FTO: variants seen among roughly 807,000 people sequenced by gnomAD.
The protein encoded by FTO is FTO alpha-ketoglutarate dependent dioxygenase.
A neutral mutation model predicts 63.9 loss-of-function variants in FTO; 47 were observed. The ratio of observed to expected loss-of-function variants is 0.74; its 90% CI spans 0.58 to 0.94. The LOEUF (loss-of-function observed/expected upper bound fraction) is 0.94. Ranked by LOEUF, FTO falls within the 40% of genes least tolerant of loss-of-function variation. The pLI is 0.00. For missense variants in FTO, 562 were observed against 618.1 expected (o/e 0.91, Z 0.96); for synonymous variants, 207 against 224.4 (o/e 0.92, Z 0.69).
chr16:54,078,390 TATA>T (rs1599328567), intron 8 of FTO, among the ~76,000 whole-genome samples: 1 of 147,102 alleles, frequency 6.8e-6, no homozygotes, highest in African/African-American at 2.5e-5. Flanking sequence ...AAATAATAAA[TATA>T]ATATTTATAA....
intron 8 of FTO, among the ~76,000 whole-genome samples, chr16:54,006,271 T>A (rs1269277643): frequency 6.6e-6 from 1 of 152,234 alleles, no homozygotes; most frequent in Non-Finnish European, 1.5e-5. Flanking sequence ...AAATCTTATG[T>A]CAAAACTTAG....
At chr16:54,011,006 G>A (rs879649466) in intron 8 of FTO, among the ~76,000 whole-genome samples, 2 of 152,196 alleles carry the variant, frequency 1.3e-5, no homozygotes, top group Non-Finnish European at 2.9e-5. Flanking sequence ...GAGGGGAGGG[G>A]AGAGGAAGGA....
At position 53,798,688 on chromosome 16, in the gene FTO, G is replaced by T. The variant is rs369985454; in HGVS notation, c.46-11452G>T. On this transcript the variant is annotated intron_variant, in intron 1 of 8. Transcript: ENST00000471389. ...AATTTTCTACATAGATGCTTATGTC[G>T]TATTTAAATAATGACATTTTTACCT... 3.3e-5 allele frequency among the ~76,000 whole-genome samples: 5 copies of T among 152,140 alleles called. No homozygotes were observed. The East Asian group carries it at 9.6e-4, about 29-fold the overall frequency.
intron 2 of FTO, among the ~76,000 whole-genome samples, chr16:53,814,060 G>C (rs910446667): frequency 6.6e-6 from 1 of 152,130 alleles, no homozygotes; most frequent in African/African-American, 2.4e-5. Context: ...GCCCATATTT[G>C]TCTGACTCTG....
intron 8 of FTO, among the ~76,000 whole-genome samples, chr16:54,077,448 C>T (rs1316188745): frequency 1.3e-5 from 2 of 152,106 alleles, no homozygotes; most frequent in South Asian, 2.1e-4. Context: ...ACATCCGTGC[C>T]CCTGGAGCAG....
intron 4 of FTO, among the ~76,000 whole-genome samples, chr16:53,849,794 A>C (rs149429018): frequency 6.6e-6 from 1 of 152,328 alleles, no homozygotes; most frequent in African/African-American, 2.4e-5. Flanking sequence ...AGCAGGAAGA[A>C]CAGAGGTCTC....
intron 4 of FTO, among the ~76,000 whole-genome samples, chr16:53,871,577 G>T (rs1447172571): frequency 1.3e-5 from 2 of 152,128 alleles, no homozygotes; most frequent in East Asian, 3.8e-4. Flanking sequence ...TTTTGTGTGT[G>T]TGTATGTATC....
chr16:53,946,058 G>A (rs1331555468), intron 8 of FTO, among the ~76,000 whole-genome samples: 1 of 152,164 alleles, frequency 6.6e-6, no homozygotes, highest in East Asian at 1.9e-4. Context: ...TTTCAGTTGA[G>A]GAAGTCATGG....
chr16:53,785,418 A>G (rs2077707826), intron 1 of FTO, among the ~76,000 whole-genome samples: 1 of 152,338 alleles, frequency 6.6e-6, no homozygotes, highest in African/African-American at 2.4e-5. Flanking sequence ...ACAAATAAAT[A>G]AACAGAATAT....
intron 1 of FTO, among the ~76,000 whole-genome samples, chr16:53,739,116 C>T (rs1007250973): frequency 6.6e-6 from 1 of 152,126 alleles, no homozygotes; most frequent in Non-Finnish European, 1.5e-5. Flanking sequence ...TGTGAGCCAT[C>T]GCAATCTGGC....
intron 1 of FTO, among the ~76,000 whole-genome samples, chr16:53,750,056 A>G (rs1182603801): frequency 1.3e-5 from 2 of 152,200 alleles, no homozygotes; most frequent in African/African-American, 4.8e-5. Context: ...AAGTAAAAGA[A>G]TAAGTAGTAA....
chr16:53,981,033 A>G (rs2083530467), intron 8 of FTO, among the ~76,000 whole-genome samples: 1 of 152,204 alleles, frequency 6.6e-6, no homozygotes, highest in Non-Finnish European at 1.5e-5. Flanking sequence ...AAATTTGGAG[A>G]GAAATTTTTG....
intron 8 of FTO, among the ~76,000 whole-genome samples, chr16:54,094,479 G>A (rs1173649408): frequency 6.6e-6 from 1 of 152,190 alleles, no homozygotes; most frequent in Non-Finnish European, 1.5e-5. Context: ...GACTCAGAAG[G>A]CCTGTTCAGT....
At chr16:54,092,776 T>G (rs1417666624) in intron 8 of FTO, among the ~76,000 whole-genome samples, 1 of 152,196 alleles carries the variant, frequency 6.6e-6, no homozygotes, top group Non-Finnish European at 1.5e-5. Flanking sequence ...CTTCTAGTCT[T>G]TATTTGCTGG....
chr16:53,743,928 G>A (rs542255079), intron 1 of FTO, among the ~76,000 whole-genome samples: 2 of 152,106 alleles, frequency 1.3e-5, no homozygotes, highest in South Asian at 4.2e-4. Flanking sequence ...ATAGTTGTGG[G>A]CAGAGTTTTG....
chr16:54,007,678 G>A (rs1249434738), intron 8 of FTO, among the ~76,000 whole-genome samples: 2 of 152,172 alleles, frequency 1.3e-5, no homozygotes, highest in African/African-American at 4.8e-5. Flanking sequence ...AAAAGAAAGT[G>A]GTAGGGACAG....
intron 8 of FTO, among the ~76,000 whole-genome samples, chr16:54,097,572 A>G (rs2086545888): frequency 6.6e-6 from 1 of 152,212 alleles, no homozygotes. Context: ...CTCCCTGTTA[A>G]GGAGATACAA....
At chr16:53,844,374 T>C (rs1393664973) in intron 4 of FTO, 76 bp downstream of exon 4, 17 of 1,174,680 alleles carry the variant, frequency 1.4e-5, no homozygotes, top group Middle Eastern at 2.7e-4. Context: ...ATTTTGAGTA[T>C]GTCTTATGAA....
At chr16:53,906,481 G>T (rs185870901) in intron 7 of FTO, among the ~76,000 whole-genome samples, 55 of 152,274 alleles carry the variant, frequency 3.6e-4, no homozygotes, top group Non-Finnish European at 7.2e-4. Context: ...TTCTGTGGGG[G>T]ACTCGGGAGG....
Sources: allele counts gnomAD v4.1 joint callset (sites outside exome capture counted in the v4.1 genomes callset), GRCh38; gene constraint gnomAD v4.1.1; transcripts MANE v1.5; gene names NCBI Gene and HGNC (gene_info 2026-07-23, HGNC 2026-07-21).